Variants in PSD3 observed in about 807,000 individuals in gnomAD.
The protein encoded by PSD3 is pleckstrin and Sec7 domain containing 3, also known as PH and SEC7 domain-containing protein 3.
A neutral mutation model predicts 105.5 loss-of-function variants in PSD3; 49 were observed. The observed-to-expected ratio is 0.46, with a 90% confidence interval of 0.37 to 0.59. The LOEUF is 0.59. Ranked by LOEUF, PSD3 falls within the 20% of genes least tolerant of loss-of-function variation. PSD3 has a pLI of 0.00. For missense variants in PSD3, 1,561 were observed against 1,263.8 expected, an observed-to-expected ratio of 1.24 and a Z score of -3.57; for synonymous variants, 557 against 457.8, an observed-to-expected ratio of 1.22 and a Z score of -2.77.
At chr8:18,668,255 T>C (rs1175133448) in intron 9 of PSD3, among the ~76,000 whole-genome samples, 1 of 152,234 alleles carries the variant, frequency 6.6e-6, no homozygotes, top group African/African-American at 2.4e-5. Context: ...TCACTGTGAT[T>C]AGAAATTGTA....
intron 8 of PSD3, among the ~76,000 whole-genome samples, chr8:18,782,836 T>G (rs960597090): frequency 6.6e-6 from 1 of 152,184 alleles, no homozygotes; most frequent in African/African-American, 2.4e-5. Context: ...AGCATCCAAG[T>G]GGCACGCAGC....
chr8:18,964,011 C>G (rs1160359967), intron 1 of PSD3, among the ~76,000 whole-genome samples: 1 of 152,192 alleles, frequency 6.6e-6, no homozygotes, highest in Non-Finnish European at 1.5e-5. Flanking sequence ...AGACAGCGCA[C>G]ACATGCATAG....
chr8:18,829,626 T>C (rs1006262787), intron 4 of PSD3, among the ~76,000 whole-genome samples: 1 of 152,178 alleles, frequency 6.6e-6, no homozygotes, highest in African/African-American at 2.4e-5. Flanking sequence ...CTCTCCCTTC[T>C]AGCACACACA....
rs889927162 is a variant in PSD3, at chr8:18,528,039, G to A, written c.*7704C>T. On this transcript the variant is annotated 3_prime_UTR_variant, in exon 16 of 16. Transcript: ENST00000327040. Reference sequence around the variant, plus strand: ...TATAACTCAGTTATTATAATAGGCTGGAAAAGTTAAAAGCTTCTTTTATAT... The same window carrying A: ...TATAACTCAGTTATTATAATAGGCTAGAAAAGTTAAAAGCTTCTTTTATAT... 2.0e-5 allele frequency: 3 copies of A among 152,172 alleles called. No individual in the cohort carries two copies. Among genetic ancestry groups the A allele is most frequent in the African/African-American group, 4.8e-5 (2 of 41,432 alleles). 9.4% of individuals were successfully genotyped at this position (152,172 alleles called of 1,614,324 possible).
Position 18,575,161 on chromosome 8 carries a change from G to C in PSD3, c.2606C>G (p.Thr869Ser), listed in dbSNP as rs544501576. The C allele has an allele frequency of 1.9e-6, 3 of 1,613,682 alleles. No homozygotes were observed. Among genetic ancestry groups the C allele is most frequent in the East Asian group, 4.5e-5 (2 of 44,848 alleles). The change falls in exon 13 of 16, where the codon ACT becomes AGT. Residue 869 changes from threonine to serine, a missense_variant. Physicochemically the swap from Thr to Ser is moderately conservative, Grantham distance 58. Transcript: ENST00000327040. ...AAAAAGCAAGACCCTCCAGTCGGCA[G>C]TTTTAAGTTTAAACACGTTTGGTTT... ...EKKPNVFKLK[T>S]ADWRVLLFQT...
Position 18,575,303 on chromosome 8 carries a change from G to C in PSD3, c.2482-18C>G. The C allele has an allele frequency of 2.0e-6, 3 of 1,510,414 alleles. No homozygotes were observed. The highest frequency in any genetic ancestry group is 2.7e-6 in the Non-Finnish European group (3 of 1,126,426). 93.6% of individuals were successfully genotyped at this position (1,510,414 alleles called of 1,614,324 possible). On this transcript the variant is annotated intron_variant, in intron 12 of 15. Coordinates refer to ENST00000327040, the MANE Select transcript of PSD3 (RefSeq NM_015310.4). ...TATTCATCCTATAGATGGACACAAAGAAAATAAAGGCAAAAATCACGATCA... is the reference window on the plus strand; with the variant it reads ...TATTCATCCTATAGATGGACACAAACAAAATAAAGGCAAAAATCACGATCA...
chr8:19,066,224 C>G (rs111975350), intron 1 of PSD3, among the ~76,000 whole-genome samples: 1 of 152,238 alleles, frequency 6.6e-6, no homozygotes, highest in East Asian at 1.9e-4. Context: ...CTAGTTAGAA[C>G]GTCATTAAAA....
chr8:18,981,587 T>C (rs894299468), intron 1 of PSD3, among the ~76,000 whole-genome samples: 1 of 152,178 alleles, frequency 6.6e-6, no homozygotes, highest in Non-Finnish European at 1.5e-5. Context: ...CTGGAGATTG[T>C]GTGGGTTCAA....
intron 8 of PSD3, among the ~76,000 whole-genome samples, chr8:18,768,065 G>C (rs1200161442): frequency 7.4e-6 from 1 of 134,800 alleles, no homozygotes; most frequent in Non-Finnish European, 1.5e-5. Context: ...GAGGTCAGGA[G>C]ATTGAGACCA....
chr8:18,827,796 G>A (rs1219274138), intron 4 of PSD3, among the ~76,000 whole-genome samples: 3 of 150,432 alleles, frequency 2.0e-5, no homozygotes, highest in Non-Finnish European at 3.0e-5. Context: ...TTATATATGA[G>A]AGATGAAGAA....
intron 11 of PSD3, among the ~76,000 whole-genome samples, chr8:18,604,857 T>C (rs1031748533): frequency 4.6e-5 from 7 of 152,214 alleles, no homozygotes; most frequent in Admixed American, 1.3e-4. Context: ...CCACAAACTT[T>C]AGTGGCTTCC....
chr8:18,723,524 C>T (rs190155970), intron 9 of PSD3, among the ~76,000 whole-genome samples: 2 of 152,278 alleles, frequency 1.3e-5, no homozygotes, highest in Admixed American at 1.3e-4. Flanking sequence ...CACAGAGCGA[C>T]ATCCTGAAAG....
chr8:18,980,356 T>G (rs1187437833), intron 1 of PSD3, among the ~76,000 whole-genome samples: 3 of 152,194 alleles, frequency 2.0e-5, no homozygotes, highest in South Asian at 2.1e-4. Flanking sequence ...GAGATGGAGG[T>G]AGCTTATCTT....
chr8:18,621,833 GA>G (rs1029223363), intron 11 of PSD3, among the ~76,000 whole-genome samples: 4 of 151,996 alleles, frequency 2.6e-5, no homozygotes, highest in Non-Finnish European at 4.4e-5. Context: ...TGTCTTTTGG[GA>G]AAAAAAATTC....
upstream of PSD3, among the ~76,000 whole-genome samples, chr8:19,018,518 T>C (rs117116175): frequency 6.1e-3 from 931 of 152,298 alleles, 27 homozygotes; most frequent in East Asian, 0.096. Flanking sequence ...CATATAATTT[T>C]GAATCAAGAG....
intron 1 of PSD3, among the ~76,000 whole-genome samples, chr8:18,981,265 G>A (rs1045454483): frequency 2.0e-5 from 3 of 152,032 alleles, no homozygotes; most frequent in Admixed American, 1.3e-4. Context: ...TAAAAATCAG[G>A]AAAGACGCAA....
rs545723940 is a variant in PSD3 at position 18,802,222 on chromosome 8, T to C, written c.1911-840A>G. The C allele has an allele frequency of 2.4e-4, 59 of 241,928 alleles. No individual in the cohort carries two copies. In the East Asian group the frequency reaches 3.4e-3, roughly 14 times the overall value. The allele number at this position is 241,928 out of a possible 1,614,324, so 15.0% of individuals were successfully genotyped here. On this transcript the variant is annotated intron_variant, in intron 6 of 15. Coordinates refer to ENST00000327040, the MANE Select transcript of PSD3 (RefSeq NM_015310.4). ...TTCCTTACATAATGGAATTAGTTTA[T>C]GTATAAAAATATCTTTAAATTATAG...
intron 4 of PSD3, among the ~76,000 whole-genome samples, chr8:18,828,663 T>C (rs750192499): frequency 6.6e-6 from 1 of 151,614 alleles, no homozygotes; most frequent in Non-Finnish European, 1.5e-5. Context: ...TACAAAGAAA[T>C]ACAAAAGTTA....
At chr8:18,935,995 T>C (rs748475412) in intron 2 of PSD3, 39 bp downstream of exon 2, 3 of 1,334,218 alleles carry the variant, frequency 2.2e-6, no homozygotes, top group Admixed American at 1.7e-5. Context: ...CAGCTCTTCA[T>C]ATAGTTTACC....
Sources: allele counts gnomAD v4.1 joint callset (sites outside exome capture counted in the v4.1 genomes callset), GRCh38; gene constraint gnomAD v4.1.1; transcripts MANE v1.5; gene names NCBI Gene and HGNC (gene_info 2026-07-23, HGNC 2026-07-21).